The following SLC25A36 variants were observed in gnomAD, a reference collection of about 807,000 sequenced individuals.
SLC25A36 encodes the protein solute carrier family 25 member 36.
A neutral mutation model predicts 35.3 loss-of-function variants in SLC25A36; 24 were observed. The observed-to-expected ratio is 0.68, with a 90% CI of 0.49 to 0.96. The LOEUF (loss-of-function observed/expected upper bound fraction) is 0.96, where lower values mean the gene tolerates loss of function less well. Among genes scored for constraint, SLC25A36 ranks in the 40% least tolerant of loss-of-function variants. The pLI, the probability that SLC25A36 is intolerant of heterozygous loss-of-function variation, is 0.00. For missense variants in SLC25A36, 294 were observed against 381.1 expected (o/e 0.77, Z 1.90); for synonymous variants, 141 against 132.2 (o/e 1.07, Z -0.46).
chr3:140,950,884 G>A (rs531086526), intron 1 of SLC25A36, among the ~76,000 whole-genome samples: 4 of 137,670 alleles, frequency 2.9e-5, no homozygotes, highest in Non-Finnish European at 1.5e-5. Flanking sequence ...TTTATCCAGC[G>A]TGTGTGTGTG....
chr3:140,956,501 G>A (rs764485037), intron 1 of SLC25A36, 26 bp from the exon 2 acceptor site: 1 of 1,503,384 alleles, frequency 6.7e-7, no homozygotes. Flanking sequence ...TAGATAAGCT[G>A]TGTTCTTTTT....
At chr3:140,966,886 A>T (rs1421212782) in intron 4 of SLC25A36, 1 of 455,736 alleles carries the variant, frequency 2.2e-6, no homozygotes, top group South Asian at 1.6e-5. Context: ...GTTTCTGATG[A>T]GGTCACTGCT....
chr3:140,947,014 G>T (rs1332646961), intron 1 of SLC25A36, among the ~76,000 whole-genome samples: 2 of 152,024 alleles, frequency 1.3e-5, no homozygotes, highest in Non-Finnish European at 2.9e-5. Flanking sequence ...AAGAGAAGAG[G>T]AATGAGGAGA....
chr3:140,947,890 A>G (rs1244160748), intron 1 of SLC25A36, among the ~76,000 whole-genome samples: 3 of 152,212 alleles, frequency 2.0e-5, no homozygotes, highest in East Asian at 3.8e-4. Context: ...CAGAGAAACA[A>G]TTTTTGGTAA....
At chr3:140,944,267 G>C (rs142592638) in intron 1 of SLC25A36, among the ~76,000 whole-genome samples, 2 of 152,028 alleles carry the variant, frequency 1.3e-5, no homozygotes, top group Non-Finnish European at 2.9e-5. Context: ...TATGTTTATC[G>C]GAATCCCACA....
At chr3:140,948,461 C>T (rs1384365610) in intron 1 of SLC25A36, among the ~76,000 whole-genome samples, 4 of 152,094 alleles carry the variant, frequency 2.6e-5, no homozygotes, top group African/African-American at 4.8e-5. Context: ...GGATTACAAG[C>T]GTGAGCCACC....
At chr3:140,972,584 C>T (rs772231127) in intron 5 of SLC25A36, among the ~76,000 whole-genome samples, 10 of 150,624 alleles carry the variant, frequency 6.6e-5, no homozygotes, top group South Asian at 6.3e-4. Flanking sequence ...TGCAGTGAGC[C>T]ATGATTGCAC....
Position 140,979,494 on chromosome 3 carries a change from C to T in SLC25A36, c.*3041C>T, listed in dbSNP as rs947765308. 1.3e-5 allele frequency: 2 copies of T among 152,098 alleles called. No homozygotes were observed. The highest frequency in any genetic ancestry group is 2.9e-5 in the Non-Finnish European group (2 of 67,992). 9.4% of individuals were successfully genotyped at this position (152,098 alleles called of 1,614,324 possible). Reference sequence around the variant, plus strand: ...TGATAAGTACAGTTCAGCCTTTTCTCCTCAAATATATAATGACTTTAACAT... The same window carrying T: ...TGATAAGTACAGTTCAGCCTTTTCTTCTCAAATATATAATGACTTTAACAT... On this transcript the variant is annotated 3_prime_UTR_variant, in exon 7 of 7. Coordinates refer to ENST00000324194, the MANE Select transcript of SLC25A36 (RefSeq NM_001104647.3).
chr3:140,953,039 A>G (rs1934371317), intron 1 of SLC25A36, among the ~76,000 whole-genome samples: 1 of 152,242 alleles, frequency 6.6e-6, no homozygotes. Flanking sequence ...ATGGTTTGCC[A>G]TAAATAGATC....
At chr3:140,970,743 G>T in intron 4 of SLC25A36, 184 bp from the exon 5 acceptor site, 1 of 423,988 alleles carries the variant, frequency 2.4e-6, no homozygotes, top group South Asian at 4.0e-5. Flanking sequence ...CAGAATTTGA[G>T]AATTCATATA....
chr3:140,960,995 T>G (rs1934613074), intron 3 of SLC25A36, among the ~76,000 whole-genome samples: 1 of 152,326 alleles, frequency 6.6e-6, no homozygotes, highest in African/African-American at 2.4e-5. Flanking sequence ...CTGACACCAT[T>G]GCATCTTAGA....
intron 3 of SLC25A36, among the ~76,000 whole-genome samples, chr3:140,960,069 G>A (rs944526764): frequency 2.6e-5 from 4 of 152,016 alleles, no homozygotes; most frequent in African/African-American, 7.3e-5. Context: ...CATAGACTAG[G>A]AGATATAAAA....
At chr3:140,971,212 G>GT (rs1330520567) in intron 5 of SLC25A36, among the ~76,000 whole-genome samples, 1 of 151,990 alleles carries the variant, frequency 6.6e-6, no homozygotes. Context: ...GTTTTGTTTT[G>GT]TTTTAAAAAG....
intron 1 of SLC25A36, among the ~76,000 whole-genome samples, chr3:140,951,378 CT>C (rs1273186793): frequency 6.6e-6 from 1 of 152,216 alleles, no homozygotes; most frequent in Non-Finnish European, 1.5e-5. Context: ...AGTGTCACCC[CT>C]ATACTACACA....
intron 3 of SLC25A36, among the ~76,000 whole-genome samples, chr3:140,960,875 A>T (rs953190032): frequency 6.6e-6 from 1 of 152,228 alleles, no homozygotes; most frequent in African/African-American, 2.4e-5. Context: ...AAGATCTGGA[A>T]CTCTTAAAAC....
intron 6 of SLC25A36, among the ~76,000 whole-genome samples, chr3:140,974,679 G>A (rs1474211410): frequency 6.6e-6 from 1 of 151,960 alleles, no homozygotes; most frequent in Non-Finnish European, 1.5e-5. Flanking sequence ...TTTTTTGGTT[G>A]TTTTAAGTGT....
chr3:140,966,265 G>T, intron 4 of SLC25A36: 1 of 205,302 alleles, frequency 4.9e-6, no homozygotes, highest in Non-Finnish European at 1.0e-5. Flanking sequence ...TTTGTCCATG[G>T]CAGTTAATTC....
intron 1 of SLC25A36, 144 bp from the exon 2 acceptor site, chr3:140,956,383 C>A (rs2107793007): frequency 9.9e-7 from 1 of 1,015,036 alleles, no homozygotes; most frequent in East Asian, 3.0e-5. Context: ...TCTTAAAAAT[C>A]AGTTTAGTCA....
intron 1 of SLC25A36, among the ~76,000 whole-genome samples, chr3:140,951,916 C>T (rs1218480573): frequency 6.6e-6 from 1 of 152,126 alleles, no homozygotes; most frequent in African/African-American, 2.4e-5. Flanking sequence ...TCACTAAAGC[C>T]TTGACCTCCC....
Sources: allele counts gnomAD v4.1 joint callset (sites outside exome capture counted in the v4.1 genomes callset), GRCh38; gene constraint gnomAD v4.1.1; transcripts MANE v1.5; gene names NCBI Gene and HGNC (gene_info 2026-07-23, HGNC 2026-07-21).